The following TOP2A variants were observed in gnomAD, a reference collection of about 807,000 sequenced individuals.
TOP2A encodes the protein DNA topoisomerase 2-alpha.
In TOP2A, 68 loss-of-function variants were observed where a neutral mutation model predicts 187.2. The ratio of observed to expected loss-of-function variants is 0.36; its 90% CI spans 0.30 to 0.44. TOP2A has a LOEUF of 0.44. Among genes scored for constraint, TOP2A ranks in the 20% least tolerant of loss-of-function variants. The pLI is 1.00. For missense variants in TOP2A, 1,196 were observed against 1,808.7 expected (o/e 0.66, Z 6.14); for synonymous variants, 542 against 593.2 (o/e 0.91, Z 1.25).
chr17:40,399,632 A>G (rs1391944822), intron 24 of TOP2A, among the ~76,000 whole-genome samples: 1 of 151,376 alleles, frequency 6.6e-6, no homozygotes, highest in Non-Finnish European at 1.5e-5. Context: ...CTAGCTCTCT[A>G]TTCTCCTCAT....
At position 40,412,740 on chromosome 17, in the gene TOP2A, C is replaced by T. The variant is rs2143685156; in HGVS notation, c.789+19G>A. ...TTACAAAATCCCTTATTATCCTTAA[C>T]ATCCAGGAAAATACTCACTGGCAGT... On this transcript the variant is annotated intron_variant, in intron 7 of 34. Coordinates refer to ENST00000423485, the MANE Select transcript of TOP2A (RefSeq NM_001067.4). 1.9e-6 allele frequency: 3 copies of T among 1,592,714 alleles called. No homozygotes were observed. Among genetic ancestry groups the T allele is most frequent in the Non-Finnish European group, 2.6e-6 (3 of 1,161,606 alleles).
Position 40,406,567 on chromosome 17 carries a change from TG to T in TOP2A, c.1843+16del, listed in dbSNP as rs773038394. The T allele has an allele frequency of 6.2e-7, 1 of 1,607,150 alleles. No homozygotes were observed. The highest frequency in any genetic ancestry group is 1.1e-5 in the South Asian group (1 of 90,808). ...GTATAATAAAATGAGAAGTTCTATATGGGTTTCATTACAAACCTTTGTAATA... is the reference window on the plus strand; with the variant it reads ...GTATAATAAAATGAGAAGTTCTATATGGTTTCATTACAAACCTTTGTAATA... On this transcript the variant is annotated intron_variant, in intron 15 of 34. Coordinates refer to ENST00000423485, the MANE Select transcript of TOP2A (RefSeq NM_001067.4).
At chr17:40,391,479 T>C (rs1036836336) in intron 33 of TOP2A, 27 bp downstream of exon 33, 1 of 1,597,968 alleles carries the variant, frequency 6.3e-7, no homozygotes, top group African/African-American at 1.3e-5. Context: ...ATTGCAACAT[T>C]AACCCATCTC....
chr17:40,391,423 T>A, intron 33 of TOP2A, 83 bp downstream of exon 33: 1 of 1,345,168 alleles, frequency 7.4e-7, no homozygotes, highest in South Asian at 1.5e-5. Flanking sequence ...ATAGTAAGTT[T>A]TGGCAATAAA....
Position 40,390,141 on chromosome 17 carries a change from C to T in TOP2A, c.4291G>A (p.Gly1431Ser), listed in dbSNP as rs758362026. The change falls in exon 34 of 35, where the codon GGT (glycine) becomes AGT (serine). Residue 1431 changes from glycine to serine, a missense_variant. Coordinates refer to ENST00000423485, the MANE Select transcript of TOP2A (RefSeq NM_001067.4). The stretch of plus-strand genomic sequence containing the variant: ...TTTGGGGCAGCCCTTTTTTTGGCAC[C>T]GGTAGTGGAGGTGGAAGACTGACCT... ...AKSQSSTSTT[G>S]AKKRAAPKGT... The T allele has an allele frequency of 1.4e-5, 23 of 1,612,428 alleles. No homozygotes were observed. The highest frequency in any genetic ancestry group is 1.1e-4 in the East Asian group (5 of 44,878).
intron 19 of TOP2A, among the ~76,000 whole-genome samples, chr17:40,403,459 G>A (rs528467307): frequency 6.6e-6 from 1 of 152,192 alleles, no homozygotes; most frequent in African/African-American, 2.4e-5. Context: ...TTGTATACCT[G>A]GTACATGGTA....
At position 40,409,651 on chromosome 17, in the gene TOP2A, C is replaced by G. The variant is rs548925248; in HGVS notation, c.1204-1021G>C. 1.6e-5 allele frequency: 4 copies of G among 248,434 alleles called. No individual in the cohort carries two copies. The South Asian group carries it at 1.6e-4, about 10-fold the overall frequency. 15.4% of individuals were successfully genotyped at this position (248,434 alleles called of 1,614,324 possible). A position where few individuals can be genotyped will look rare whatever the true frequency, so the allele number is the denominator to read the frequency against. ...GTGCATGTCTGTAATCCCCGCTACT[C>G]AGGAGGCTGGAGAATCCCAGCTACT... On this transcript the variant is annotated intron_variant, in intron 10 of 34. Coordinates refer to ENST00000423485, the MANE Select transcript of TOP2A (RefSeq NM_001067.4).
At position 40,396,299 on chromosome 17, in the gene TOP2A, T is replaced by G. The variant is rs1048647885; in HGVS notation, c.3704A>C (p.Asn1235Thr). 2 of 1,594,580 alleles carry G rather than the reference T, an allele frequency of 1.3e-6. No individual in the cohort carries two copies. Among genetic ancestry groups the G allele is most frequent in the Non-Finnish European group, 1.7e-6 (2 of 1,163,754 alleles). ...GAGTATTACCTTAATTTTCTTTTTATTTTTCTTTTCTGCCTCTGCTTTCAT... is the reference window on the plus strand; with the variant it reads ...GAGTATTACCTTAATTTTCTTTTTAGTTTTCTTTTCTGCCTCTGCTTTCAT... ...IEMKAEAEKK[N>T]KKKIKNENTE... The change falls in exon 28 of 35, where the codon AAT (asparagine) becomes ACT (threonine). Residue 1235 changes from asparagine to threonine, a missense_variant. This residue lies in a region of TOP2A where 374 missense variants were observed against 403.3 expected (regional missense o/e 0.93). Coordinates refer to ENST00000423485, the MANE Select transcript of TOP2A (RefSeq NM_001067.4).
intron 17 of TOP2A, 123 bp from the exon 18 acceptor site, chr17:40,404,614 G>T (rs1203338045): frequency 4.3e-6 from 3 of 705,522 alleles, no homozygotes; most frequent in Non-Finnish European, 7.1e-6. Flanking sequence ...AAAAAATATT[G>T]AATAATACAG....
chr17:40,416,338 C>T (rs777917637), intron 3 of TOP2A, 84 bp downstream of exon 3: 1 of 1,023,150 alleles, frequency 9.8e-7, no homozygotes, highest in Non-Finnish European at 1.4e-6. Flanking sequence ...TTTGTTTTTA[C>T]TTTTATCTTT....
At chr17:40,408,792 A>G in intron 10 of TOP2A, 162 bp from the exon 11 acceptor site, 1 of 754,246 alleles carries the variant, frequency 1.3e-6, no homozygotes, top group South Asian at 1.5e-5. Context: ...TTCCCATGTC[A>G]GGTTATCACC....
chr17:40,395,607 C>A, intron 28 of TOP2A, 68 bp from the exon 29 acceptor site: 2 of 1,235,052 alleles, frequency 1.6e-6, no homozygotes, highest in South Asian at 1.3e-5. Flanking sequence ...AGATTTTATA[C>A]ATTTTTGGCT....
chr17:40,405,925 GC>G (rs773457803), intron 16 of TOP2A, among the ~76,000 whole-genome samples: 2 of 151,372 alleles, frequency 1.3e-5, no homozygotes, highest in Non-Finnish European at 2.9e-5. Context: ...TGCCACCACG[GC>G]CGGCTAATTT....
At position 40,390,028 on chromosome 17, in the gene TOP2A, T is replaced by G. The variant is rs1247048726; in HGVS notation, c.4404A>C (p.Pro1468=). 6.2e-7 allele frequency: 1 copy of G among 1,613,946 alleles called. No homozygotes were observed. The change falls in exon 34 of 35, where the codon CCA becomes CCC. Residue 1468 remains proline (P), a synonymous_variant. Transcript: ENST00000423485. ...TAGAGTCAGAATCATCAGAAGTGGA[T>G]GGCTTCCTTTTGCGGCGATTCTTGG... is the stretch of plus-strand genomic sequence containing the variant. ...AKTKNRRKRK[P]STSDDSDSNF...
Position 40,389,095 on chromosome 17 carries a change from CAG to C in TOP2A, c.*422_*423del, listed in dbSNP as rs2034991905. ...AATTATGTATAAAACTAAGATAAAA[CAG>C]ATAATTATGCTCTATCTCATATCTA... On this transcript the variant is annotated 3_prime_UTR_variant, in exon 35 of 35. Transcript: ENST00000423485. 1 of 223,408 alleles carries C rather than the reference CAG, an allele frequency of 4.5e-6. No individual in the cohort carries two copies. The allele number at this position is 223,408 out of a possible 1,614,324, so 13.8% of individuals were successfully genotyped here. A position where few individuals can be genotyped will look rare whatever the true frequency, so the allele number is the denominator to read the frequency against.
rs776543941 is a variant in TOP2A, at chr17:40,398,882, C to G, written c.3344G>C (p.Ser1115Thr). The change falls in exon 26 of 35, where the codon AGT becomes ACT. Residue 1115 changes from serine to threonine, a missense_variant. Physicochemically the swap from Ser to Thr is moderately conservative, Grantham distance 58. Around this residue, in one of 10 missense-constraint regions of TOP2A, gnomAD observed 232 missense variants for 306.1 expected, o/e 0.76. Coordinates refer to ENST00000423485, the MANE Select transcript of TOP2A (RefSeq NM_001067.4). ...TGGTCCAGAATCTGTTACGGAGTCA[C>G]TCTTTTCAGTTTCCTTTTCGTTGTC... ...ESDNEKETEK[S>T]DSVTDSGPTF... 1 of 1,613,660 alleles carries G rather than the reference C, an allele frequency of 6.2e-7. No homozygotes were observed. Among genetic ancestry groups the G allele is most frequent in the Non-Finnish European group, 8.5e-7 (1 of 1,179,796 alleles).
chr17:40,390,013 A>T lies in TOP2A; in HGVS notation c.4419T>A (p.Asp1473Glu), dbSNP rs1387296774. The T allele has an allele frequency of 5.0e-6, 8 of 1,613,802 alleles. No homozygotes were observed. Among genetic ancestry groups the T allele is most frequent in the Non-Finnish European group, 6.8e-6 (8 of 1,179,870 alleles). Residue 1473 changes from aspartate (D) to glutamate (E), a missense_variant, in exon 34 of 35, where the codon GAT becomes GAA. Physicochemically the swap from Asp to Glu is conservative, Grantham distance 45. Coordinates refer to ENST00000423485, the MANE Select transcript of TOP2A (RefSeq NM_001067.4). Reference protein sequence around the residue: ...RRKRKPSTSDDSDSNFEKIVS... With the variant: ...RRKRKPSTSDESDSNFEKIVS... Reference sequence around the variant, plus strand: ...CAATTTTCTCAAAATTAGAGTCAGAATCATCAGAAGTGGATGGCTTCCTTT... The same window carrying T: ...CAATTTTCTCAAAATTAGAGTCAGATTCATCAGAAGTGGATGGCTTCCTTT...
intron 4 of TOP2A, among the ~76,000 whole-genome samples, chr17:40,415,336 G>A (rs1420540901): frequency 6.6e-6 from 1 of 152,138 alleles, no homozygotes; most frequent in Admixed American, 6.6e-5. Context: ...TCACAGGCAT[G>A]AGCCACCGTG....
At chr17:40,400,689 A>G in intron 21 of TOP2A, 26 bp from the exon 22 acceptor site, 1 of 1,581,100 alleles carries the variant, frequency 6.3e-7, no homozygotes, top group Non-Finnish European at 8.6e-7. Flanking sequence ...AAAAAACAGT[A>G]TGTTTTCTAA....
Sources: gnomAD v4.1 joint callset for allele counts (sites outside exome capture counted in the v4.1 genomes callset) on GRCh38, gnomAD v4.1.1 for gene constraint, gnomAD v4.1.1 regional missense constraint, MANE v1.5 for transcripts, NCBI Gene and HGNC (gene_info 2026-07-23, HGNC 2026-07-21) for gene names.